PRSS12: variants seen among roughly 807,000 people sequenced by gnomAD.
The protein encoded by PRSS12 is serine protease 12.
In PRSS12, 85 loss-of-function variants were observed where a neutral mutation model predicts 104.4. That is an observed-to-expected ratio of 0.81 (90% confidence interval 0.68 to 0.98). The LOEUF (loss-of-function observed/expected upper bound fraction) is 0.98. Among genes scored for constraint, PRSS12 ranks in the 50% least tolerant of loss-of-function variants. The pLI is 0.00. For missense variants in PRSS12, 1,141 were observed against 1,139.2 expected (o/e 1.00, Z -0.02); for synonymous variants, 454 against 425.2 (o/e 1.07, Z -0.83).
In PRSS12 at chr4:118,280,163, A is replaced by G. The variant is rs368571598; in HGVS notation, c.*1773T>C. ...ACCATGTATTCTTAAGGATTGAGCA[A>G]ACTGCAGGCTGCTTGCTGCCTTTTA... On this transcript the variant is annotated 3_prime_UTR_variant, in exon 13 of 13. Coordinates refer to ENST00000296498, the MANE Select transcript of PRSS12 (RefSeq NM_003619.4). 48 of 152,380 alleles carry G rather than the reference A, an allele frequency of 3.2e-4. No individual in the cohort carries two copies. The highest frequency in any genetic ancestry group is 9.9e-4 in the African/African-American group (41 of 41,594). The allele number at this position is 152,380 out of a possible 1,614,324, so 9.4% of individuals were successfully genotyped here. A position where few individuals can be genotyped will look rare whatever the true frequency, so the allele number is the denominator to read the frequency against.
intron 2 of PRSS12, 71 bp from the exon 3 acceptor site, chr4:118,335,722 G>T: frequency 1.5e-6 from 2 of 1,372,082 alleles, no homozygotes; most frequent in Non-Finnish European, 2.1e-6. Flanking sequence ...ATTTGGATTT[G>T]AAAAAAAATG....
intron 4 of PRSS12, among the ~76,000 whole-genome samples, chr4:118,325,323 T>TAAA (rs756487567): frequency 5.3e-5 from 7 of 132,744 alleles, no homozygotes; most frequent in Non-Finnish European, 8.2e-5. Context: ...AGCTGAAAAT[T>TAAA]AAAAAAAAAA....
At position 118,294,102 on chromosome 4, in the gene PRSS12, TAAG is replaced by T. The variant is rs141871802; in HGVS notation, c.2039+834_2039+836del. Among the ~76,000 whole-genome samples the T allele has an allele frequency of 8.5e-5, 13 of 152,266 alleles. No homozygotes were observed. The East Asian group carries it at 2.3e-3, about 27-fold the overall frequency. On this transcript the variant is annotated intron_variant, in intron 11 of 12. Transcript: ENST00000296498. ...AAGGTATGTACCGTATGATATCACA[TAAG>T]AAAAAACAGAAAAATTTCTGCTTGC...
chr4:118,310,492 G>T (rs1743680410), intron 7 of PRSS12, among the ~76,000 whole-genome samples: 1 of 152,102 alleles, frequency 6.6e-6, no homozygotes, highest in African/African-American at 2.4e-5. Context: ...GATGACAAAA[G>T]TCATGCCATC....
chr4:118,339,360 C>T (rs1463365801), intron 1 of PRSS12, among the ~76,000 whole-genome samples: 1 of 152,118 alleles, frequency 6.6e-6, no homozygotes, highest in Non-Finnish European at 1.5e-5. Context: ...TTGCATATTT[C>T]AAAGTTATGT....
chr4:118,313,850 G>C (rs890328341), intron 6 of PRSS12, among the ~76,000 whole-genome samples: 1 of 152,082 alleles, frequency 6.6e-6, no homozygotes, highest in African/African-American at 2.4e-5. Flanking sequence ...GATTGCTCAA[G>C]CACTATACCT....
At chr4:118,316,937 C>G (rs969443038) in intron 5 of PRSS12, among the ~76,000 whole-genome samples, 1 of 149,534 alleles carries the variant, frequency 6.7e-6, no homozygotes, top group Non-Finnish European at 1.5e-5. Context: ...ATTTAGACTT[C>G]TCTAGATTAA....
chr4:118,343,884 A>C (rs1724282218), intron 1 of PRSS12, among the ~76,000 whole-genome samples: 1 of 152,232 alleles, frequency 6.6e-6, no homozygotes, highest in Non-Finnish European at 1.5e-5. Context: ...TGTTTTCTGA[A>C]TAAAACTAGT....
Position 118,331,881 on chromosome 4 carries a change from G to C in PRSS12, c.821-15C>G. ...GAACGTTGGGCCTGTGCAATGTGAAGTTAAAAATAAGCAAAACCTATGCAT... is the reference window on the plus strand; with the variant it reads ...GAACGTTGGGCCTGTGCAATGTGAACTTAAAAATAAGCAAAACCTATGCAT... On this transcript the variant is annotated splice_polypyrimidine_tract_variant and intron_variant, in intron 3 of 12. Transcript: ENST00000296498. The C allele has an allele frequency of 6.2e-7, 1 of 1,613,608 alleles. No individual in the cohort carries two copies. The highest frequency in any genetic ancestry group is 8.5e-7 in the Non-Finnish European group (1 of 1,179,994).
intron 11 of PRSS12, 149 bp downstream of exon 11, chr4:118,294,790 T>C: frequency 1.8e-6 from 2 of 1,123,180 alleles, no homozygotes; most frequent in South Asian, 1.3e-5. Context: ...TTGCTCCTTT[T>C]GTCACTCCCT....
At position 118,280,697 on chromosome 4, in the gene PRSS12, A is replaced by G. The variant is rs1392353174; in HGVS notation, c.*1239T>C. 1 of 152,258 alleles carries G rather than the reference A, an allele frequency of 6.6e-6. No homozygotes were observed. Among genetic ancestry groups the G allele is most frequent in the Non-Finnish European group, 1.5e-5 (1 of 68,050 alleles). The allele number at this position is 152,258 out of a possible 1,614,324, so 9.4% of individuals were successfully genotyped here. On this transcript the variant is annotated 3_prime_UTR_variant, in exon 13 of 13. Coordinates refer to ENST00000296498, the MANE Select transcript of PRSS12 (RefSeq NM_003619.4). ...CTTTTAAATTTGAGCATTACTGCTA[A>G]GAATGTTCTGTAAAGGTGCATAGTT...
At chr4:118,349,439 T>A (rs1407091967) in intron 1 of PRSS12, among the ~76,000 whole-genome samples, 1 of 151,200 alleles carries the variant, frequency 6.6e-6, no homozygotes, top group African/African-American at 2.4e-5. Flanking sequence ...ATACCAGATA[T>A]CTTTTAAGCA....
rs1578898313 is a variant in PRSS12, at chr4:118,281,695, A to ATC, written c.*240_*241insGA. On this transcript the variant is annotated 3_prime_UTR_variant, in exon 13 of 13. Transcript: ENST00000296498. ...AGGTAGGGGATAGATGAGGCTTAGA[A>ATC]TAAGTCACTCCAGTGAAATTAGGGT... The ATC allele has an allele frequency of 1.8e-6, 1 of 559,662 alleles. No individual in the cohort carries two copies. Among genetic ancestry groups the ATC allele is most frequent in the East Asian group, 3.1e-5 (1 of 32,152 alleles). The allele number at this position is 559,662 out of a possible 1,614,324, so 34.7% of individuals were successfully genotyped here. A position where few individuals can be genotyped will look rare whatever the true frequency, so the allele number is the denominator to read the frequency against.
rs1742833229 is a variant in PRSS12 at position 118,280,997 on chromosome 4, A to G, written c.*939T>C. On this transcript the variant is annotated 3_prime_UTR_variant, in exon 13 of 13. Coordinates refer to ENST00000296498, the MANE Select transcript of PRSS12 (RefSeq NM_003619.4). ...ACTGCTGTATGTATTAGAACTTTTCAATGTGTAGGCCAGGAAAGCATTTTG... is the reference window on the plus strand; with the variant it reads ...ACTGCTGTATGTATTAGAACTTTTCGATGTGTAGGCCAGGAAAGCATTTTG... 1 of 152,228 alleles carries G rather than the reference A, an allele frequency of 6.6e-6. No homozygotes were observed. The highest frequency in any genetic ancestry group is 2.4e-5 in the African/African-American group (1 of 41,458). 9.4% of individuals were successfully genotyped at this position (152,228 alleles called of 1,614,324 possible). A position where few individuals can be genotyped will look rare whatever the true frequency, so the allele number is the denominator to read the frequency against.
chr4:118,320,218 C>T (rs936284089), intron 4 of PRSS12, among the ~76,000 whole-genome samples: 27 of 152,056 alleles, frequency 1.8e-4, no homozygotes, highest in African/African-American at 5.8e-4. Context: ...ATCTACTCCC[C>T]CATTATTTTA....
intron 5 of PRSS12, 125 bp downstream of exon 5, chr4:118,318,248 GTTTGT>G: frequency 2.2e-6 from 2 of 902,744 alleles, no homozygotes; most frequent in Non-Finnish European, 3.4e-6. Context: ...CATTCTTTTT[GTTTGT>G]TTTATTTGGT....
intron 1 of PRSS12, among the ~76,000 whole-genome samples, chr4:118,351,112 T>C (rs1724488942): frequency 6.6e-6 from 1 of 152,176 alleles, no homozygotes; most frequent in East Asian, 1.9e-4. Context: ...TCACTTTTCC[T>C]TAACTCAAAG....
In PRSS12 at chr4:118,282,106, T is replaced by C. The variant is rs760625530; in HGVS notation, c.2458A>G (p.Ser820Gly). ...GNLHEHKRVD[S>G]CQGDSGGPLM... The stretch of plus-strand genomic sequence containing the variant: ...GGTCCTCCGCTGTCTCCCTGGCAGC[T>C]GTCCACGCGTTTGTGTTCATGGAGG... Residue 820 changes from serine (S) to glycine (G), a missense_variant, in exon 13 of 13, where the codon AGC becomes GGC. Transcript: ENST00000296498. 1 of 1,614,226 alleles carries C rather than the reference T, an allele frequency of 6.2e-7. No individual in the cohort carries two copies. The highest frequency in any genetic ancestry group is 1.1e-5 in the South Asian group (1 of 91,090).
intron 11 of PRSS12, among the ~76,000 whole-genome samples, chr4:118,287,376 C>G (rs1273097669): frequency 1.3e-5 from 2 of 152,142 alleles, no homozygotes; most frequent in African/African-American, 4.8e-5. Context: ...CCTCAAACTC[C>G]TGGGCTCAAG....
Sources: allele counts gnomAD v4.1 joint callset (sites outside exome capture counted in the v4.1 genomes callset), GRCh38; gene constraint gnomAD v4.1.1; transcripts MANE v1.5; gene names NCBI Gene and HGNC (gene_info 2026-07-23, HGNC 2026-07-21).